Variants in WDFY3 observed in about 807,000 individuals in gnomAD.
The protein encoded by WDFY3 is WD repeat and FYVE domain containing 3.
Under a neutral mutation model 409.6 loss-of-function variants are expected in WDFY3, and 66 were observed. The ratio of observed to expected loss-of-function variants is 0.16; its 90% CI spans 0.13 to 0.20. The LOEUF (loss-of-function observed/expected upper bound fraction) is 0.20. Among genes scored for constraint, WDFY3 ranks in the 10% least tolerant of loss-of-function variants. The pLI, the probability that WDFY3 is intolerant of heterozygous loss-of-function variation, is 1.00. For missense variants in WDFY3, 3,031 were observed against 4,298.1 expected (o/e 0.71, Z 8.24); for synonymous variants, 1,521 against 1,537.1 (o/e 0.99, Z 0.25).
At chr4:84,936,837 G>C (rs540431195) in intron 1 of WDFY3, among the ~76,000 whole-genome samples, 3 of 151,774 alleles carry the variant, frequency 2.0e-5, no homozygotes, top group Non-Finnish European at 4.4e-5. Context: ...CCCTTTCACT[G>C]AATTTCAGGA....
chr4:84,701,844 G>A (rs1019045205), intron 56 of WDFY3, among the ~76,000 whole-genome samples: 1 of 152,182 alleles, frequency 6.6e-6, no homozygotes, highest in Admixed American at 6.5e-5. Flanking sequence ...ATTAGCCTAT[G>A]AACTGAGAAT....
intron 1 of WDFY3, among the ~76,000 whole-genome samples, chr4:84,937,293 T>A (rs368431014): frequency 6.6e-6 from 1 of 152,162 alleles, no homozygotes; most frequent in South Asian, 2.1e-4. Flanking sequence ...CTTTCTTTTA[T>A]TGGCTTCCAG....
intron 13 of WDFY3, among the ~76,000 whole-genome samples, chr4:84,815,730 T>C (rs1370115107): frequency 2.6e-5 from 4 of 152,152 alleles, no homozygotes; most frequent in Admixed American, 2.0e-4. Flanking sequence ...GTGCTTCCTA[T>C]CAGGAGGTGT....
chr4:84,777,073 G>A (rs1406026470), intron 27 of WDFY3, among the ~76,000 whole-genome samples: 1 of 152,070 alleles, frequency 6.6e-6, no homozygotes, highest in African/African-American at 2.4e-5. Flanking sequence ...GAAGAAGGAA[G>A]CTGATGTTTT....
intron 7 of WDFY3, among the ~76,000 whole-genome samples, chr4:84,836,604 ATAT>A (rs1277765549): frequency 6.6e-6 from 1 of 152,004 alleles, no homozygotes; most frequent in East Asian, 1.9e-4. Flanking sequence ...ATTATAAGAA[ATAT>A]TATCCAAATC....
chr4:84,914,212 G>T (rs550931598), intron 2 of WDFY3, among the ~76,000 whole-genome samples: 1 of 152,194 alleles, frequency 6.6e-6, no homozygotes, highest in East Asian at 1.9e-4. Context: ...ACAAGGTGAG[G>T]AGATCAAGAC....
chr4:84,709,868 A>G (rs1405863675), intron 51 of WDFY3, among the ~76,000 whole-genome samples: 1 of 152,116 alleles, frequency 6.6e-6, no homozygotes, highest in Non-Finnish European at 1.5e-5. Context: ...CTGGGATTAC[A>G]TGCACTCGCC....
intron 16 of WDFY3, among the ~76,000 whole-genome samples, chr4:84,802,970 T>G (rs2149665355): frequency 6.6e-6 from 1 of 152,316 alleles, no homozygotes; most frequent in South Asian, 2.1e-4. Context: ...TGTAGTATCT[T>G]CAGTCATTTT....
intron 1 of WDFY3, among the ~76,000 whole-genome samples, chr4:84,960,627 T>C (rs1235487450): frequency 2.0e-5 from 3 of 152,150 alleles, no homozygotes; most frequent in African/African-American, 4.8e-5. Flanking sequence ...AACATGACTA[T>C]GTATTTTACA....
At chr4:84,707,305 G>A (rs1354657672) in intron 53 of WDFY3, among the ~76,000 whole-genome samples, 2 of 152,150 alleles carry the variant, frequency 1.3e-5, no homozygotes, top group East Asian at 1.9e-4. Flanking sequence ...GCACACTGAA[G>A]GAAGGAGAGA....
chr4:84,796,280 G>A (rs1271386686), intron 19 of WDFY3, among the ~76,000 whole-genome samples: 6 of 150,410 alleles, frequency 4.0e-5, no homozygotes, highest in African/African-American at 1.5e-4. Flanking sequence ...TAACAAAACA[G>A]ATTTGGTCCA....
chr4:84,748,447 T>C (rs961226742), intron 36 of WDFY3, among the ~76,000 whole-genome samples: 3 of 152,200 alleles, frequency 2.0e-5, no homozygotes, highest in African/African-American at 7.2e-5. Flanking sequence ...GATGTACATA[T>C]ATTTAATCCT....
intron 3 of WDFY3, among the ~76,000 whole-genome samples, chr4:84,866,486 C>T (rs1459761919): frequency 6.6e-6 from 1 of 152,248 alleles, no homozygotes; most frequent in African/African-American, 2.4e-5. Flanking sequence ...CTAACCCTCC[C>T]CTTTCCACCA....
At chr4:84,849,869 CA>C in intron 5 of WDFY3, 32 bp downstream of exon 5, 2 of 1,603,836 alleles carry the variant, frequency 1.2e-6, no homozygotes, top group Non-Finnish European at 8.5e-7. Flanking sequence ...TTCATTCAAA[CA>C]AATCAGTTTT....
At position 84,866,403 on chromosome 4, in the gene WDFY3, T is replaced by C. The variant is rs558342316; in HGVS notation, c.-31-5781A>G. Among the ~76,000 whole-genome samples the C allele has an allele frequency of 9.2e-5, 14 of 152,250 alleles. No homozygotes were observed. In the East Asian group the frequency reaches 2.5e-3, roughly 27 times the overall value. On this transcript the variant is annotated intron_variant, in intron 3 of 67. Coordinates refer to ENST00000295888, the MANE Select transcript of WDFY3 (RefSeq NM_014991.6). ...AAAAGAAAACACCTGGGTCTGGAAC[T>C]TCCAAAAGCTAAACCAAAAGGAAAT...
intron 48 of WDFY3, 101 bp downstream of exon 48, chr4:84,718,321 T>C (rs1734302027): frequency 2.3e-6 from 3 of 1,286,800 alleles, no homozygotes; most frequent in Non-Finnish European, 3.2e-6. Flanking sequence ...AGAGATAACA[T>C]TACCTAGAAC....
intron 38 of WDFY3, among the ~76,000 whole-genome samples, chr4:84,740,843 T>C (rs1454450331): frequency 2.6e-5 from 4 of 152,208 alleles, no homozygotes; most frequent in Non-Finnish European, 5.9e-5. Flanking sequence ...CATTTGAGAA[T>C]TTTTCTCTTT....
In WDFY3 at chr4:84,820,998, A is replaced by C. The variant is rs1578674370; in HGVS notation, c.1591+86T>G. 2.3e-6 allele frequency: 3 copies of C among 1,280,614 alleles called. No individual in the cohort carries two copies. The East Asian group carries it at 7.6e-5, about 32-fold the overall frequency. The allele number at this position is 1,280,614 out of a possible 1,614,324, so 79.3% of individuals were successfully genotyped here. A position where few individuals can be genotyped will look rare whatever the true frequency, so the allele number is the denominator to read the frequency against. The stretch of plus-strand genomic sequence containing the variant: ...GCACATTAGGAAGTCATTGAAATCA[A>C]TAACCAAAGAATGGGAACAAGAACA... On this transcript the variant is annotated intron_variant, in intron 11 of 67. Transcript: ENST00000295888.
rs1361598265 is a variant in WDFY3, at chr4:84,774,905, A to G, written c.4669T>C (p.Ser1557Pro). The change falls in exon 29 of 68, where the codon TCT (serine) becomes CCT (proline). Residue 1557 changes from serine to proline, a missense_variant. By Grantham distance (74) the Ser-to-Pro change is moderately conservative. Coordinates refer to ENST00000295888, the MANE Select transcript of WDFY3 (RefSeq NM_014991.6). ...GCAGCAATAGTAGGCTGGGATAAAG[A>G]CATATCTCGAAGAGTCAGGAGCAGC... is the stretch of plus-strand genomic sequence containing the variant. ...PKLLLTLRDM[S>P]LSQPTIAAIS... The G allele has an allele frequency of 5.0e-6, 8 of 1,614,034 alleles. No individual in the cohort carries two copies. The highest frequency in any genetic ancestry group is 6.8e-6 in the Non-Finnish European group (8 of 1,179,932).
Sources: gnomAD v4.1 joint callset for allele counts (sites outside exome capture counted in the v4.1 genomes callset) on GRCh38, gnomAD v4.1.1 for gene constraint, MANE v1.5 for transcripts, NCBI Gene and HGNC (gene_info 2026-07-23, HGNC 2026-07-21) for gene names.